The following VARS2 variants were observed in gnomAD, a reference collection of about 807,000 sequenced individuals.
VARS2 encodes valine--tRNA ligase, mitochondrial.
Under a neutral mutation model 154.1 loss-of-function variants are expected in VARS2, and 105 were observed. The ratio of observed to expected loss-of-function variants is 0.68; its 90% confidence interval spans 0.58 to 0.80. The LOEUF is 0.80. Among genes scored for constraint, VARS2 ranks in the 30% least tolerant of loss-of-function variants. The pLI is 0.00. For synonymous variants in VARS2, 483 were observed against 539.5 expected (o/e 0.90, Z 1.45); for missense variants, 1,157 against 1,361.4 (o/e 0.85, Z 2.36).
Position 30,919,391 on chromosome 6 carries a change from T to G in VARS2, c.1075-367T>G. The G allele has an allele frequency of 4.7e-6, 1 of 212,484 alleles. No homozygotes were observed. Among genetic ancestry groups the G allele is most frequent in the Non-Finnish European group, 9.3e-6 (1 of 107,764 alleles). The allele number at this position is 212,484 out of a possible 1,614,324, so 13.2% of individuals were successfully genotyped here. The stretch of plus-strand genomic sequence containing the variant: ...TAGTAGAGACGGAGTGTCACTGTGT[T>G]AGCCAGGATAGTCTCGATCTCCTGA... On this transcript the variant is annotated intron_variant, in intron 11 of 29. Transcript: ENST00000676266. The surrounding 1 kb of genome is among the most constrained non-coding windows in gnomAD (Gnocchi z 4.5).
Position 30,923,209 on chromosome 6 carries a change from T to G in VARS2, c.2291T>G (p.Phe764Cys), listed in dbSNP as rs199622377. ...RFILNALGEK[F>C]VPQPAEELSP... ...ATCCTCAATGCTTTAGGGGAGAAAT[T>G]TGTGCCACAGCCTGCTGAGGAGGTA... The change falls in exon 24 of 30, where the codon TTT becomes TGT. Residue 764 changes from phenylalanine (F) to cysteine (C), a missense_variant. Transcript: ENST00000676266. 21 of 1,613,034 alleles carry G rather than the reference T, an allele frequency of 1.3e-5. No homozygotes were observed. The highest frequency in any genetic ancestry group is 3.3e-4 in the Middle Eastern group (2 of 6,062).
At position 30,921,080 on chromosome 6, in the gene VARS2, G is replaced by T. The variant is rs1332634080; in HGVS notation, c.1495G>T (p.Ala499Ser). 6 of 1,613,256 alleles carry T rather than the reference G, an allele frequency of 3.7e-6. No individual in the cohort carries two copies. Among genetic ancestry groups the T allele is most frequent in the African/African-American group, 1.3e-5 (1 of 74,900 alleles). The change falls in exon 16 of 30, where the codon GCC (alanine) becomes TCC (serine). Residue 499 changes from alanine to serine, a missense_variant. By Grantham distance (99) the Ala-to-Ser change is moderately conservative. Transcript: ENST00000676266. This position sits in a 1 kb window ranked among gnomAD's most constrained non-coding sequence, Gnocchi z 4.6. ...TTCTCTCCAGGCTGTGGAGTCGGGG[G>T]CCCTGGAGCTCAGTCCCTCCTTCCA... ...ARAAKAVESG[A>S]LELSPSFHQK...
Position 30,922,897 on chromosome 6 carries a change from GA to G in VARS2, c.2111del (p.Lys704ArgfsTer15). ...CACCCTTCTTCTTCCTCTGGTTGCA[GA>G]AAAAGGACTTTCCTCACGGGATCCC... ...AELAIVAAAQ[K>X]KDFPHGIPEC... On this transcript the variant is annotated frameshift_variant and splice_region_variant, in exon 23 of 30. Transcript: ENST00000676266. LOFTEE classifies it high-confidence loss of function. 3 of 1,601,482 alleles carry G rather than the reference GA, an allele frequency of 1.9e-6. No homozygotes were observed. The highest frequency in any genetic ancestry group is 2.6e-6 in the Non-Finnish European group (3 of 1,173,174).
Position 30,917,819 on chromosome 6 carries a change from C to T in VARS2, c.985+13C>T, listed in dbSNP as rs765997664. ...GATGGAGAGCCTGGTGAGCATAGTA[C>T]TCTGCAGGGTCACCCGTTTACCTCC... is the stretch of plus-strand genomic sequence containing the variant. On this transcript the variant is annotated intron_variant, in intron 10 of 29. Coordinates refer to ENST00000676266, the MANE Select transcript of VARS2 (RefSeq NM_020442.6). The surrounding 1 kb of genome is among the most constrained non-coding windows in gnomAD (Gnocchi z 4.4). The T allele has an allele frequency of 3.9e-6, 6 of 1,551,718 alleles. No homozygotes were observed. The highest frequency in any genetic ancestry group is 1.7e-4 in the Middle Eastern group (1 of 5,988).
In VARS2 at chr6:30,920,963, C is replaced by G; in HGVS notation, c.1480-102C>G. On this transcript the variant is annotated intron_variant, in intron 15 of 29. Transcript: ENST00000676266. The surrounding 1 kb of genome is among the most constrained non-coding windows in gnomAD (Gnocchi z 4.6). ...AATCTTGGCAAGAGGCTTGGGAGGT[C>G]CTTTCTGAGTTTTAAAATGACCTCA... The G allele has an allele frequency of 7.5e-7, 1 of 1,332,292 alleles. No individual in the cohort carries two copies. The highest frequency in any genetic ancestry group is 2.5e-5 in the East Asian group (1 of 39,900). 82.5% of individuals were successfully genotyped at this position (1,332,292 alleles called of 1,614,324 possible).
At chr6:30,922,303 C>G in intron 20 of VARS2, 62 bp downstream of exon 20, 1 of 1,592,204 alleles carries the variant, frequency 6.3e-7, no homozygotes, top group Non-Finnish European at 8.5e-7. Flanking sequence ...ACCTTGTCCT[C>G]CCTTCTAACC....
Position 30,922,499 on chromosome 6 carries a change from A to T in VARS2, c.1982A>T (p.Lys661Met). ...GACAGGCAGGGCCGGAAGATGAGCA[A>T]GTCCCTGGGGAATGTGCTGGACCCA... ...VRDRQGRKMS[K>M]SLGNVLDPRD... Residue 661 changes from lysine (K) to methionine (M), a missense_variant, in exon 21 of 30, where the codon AAG becomes ATG. By Grantham distance (95) the Lys-to-Met change is moderately conservative (BLOSUM62 -1). Coordinates refer to ENST00000676266, the MANE Select transcript of VARS2 (RefSeq NM_020442.6). 6.3e-7 allele frequency: 1 copy of T among 1,596,864 alleles called. No homozygotes were observed. The highest frequency in any genetic ancestry group is 1.1e-5 in the South Asian group (1 of 88,556).
Position 30,916,928 on chromosome 6 carries a change from A to C in VARS2, c.722A>C (p.Asp241Ala), listed in dbSNP as rs763141082. 1.9e-6 allele frequency: 3 copies of C among 1,614,144 alleles called. No homozygotes were observed. The South Asian group carries it at 3.3e-5, about 18-fold the overall frequency. The change falls in exon 8 of 30, where the codon GAC (aspartate) becomes GCC (alanine). Residue 241 changes from aspartate to alanine, a missense_variant. Transcript: ENST00000676266. The surrounding 1 kb of genome is among the most constrained non-coding windows in gnomAD (Gnocchi z 4.0). ...CTGCGAGCTCTGGGTGCCTCCCTGG[A>C]CTGGGATCGAGAGTGTTTTACCATG... ...EQLRALGASL[D>A]WDRECFTMDV...
At position 30,920,201 on chromosome 6, in the gene VARS2, C is replaced by T. The variant is rs765541426; in HGVS notation, c.1278C>T (p.Cys426=). 12 of 1,578,952 alleles carry T rather than the reference C, an allele frequency of 7.6e-6. No homozygotes were observed. Among genetic ancestry groups the T allele is most frequent in the Admixed American group, 5.4e-5 (3 of 55,932 alleles). Residue 426 remains cysteine, a synonymous_variant, in exon 13 of 30, where the codon TGC becomes TGT. Transcript: ENST00000676266. The surrounding 1 kb of genome is among the most constrained non-coding windows in gnomAD (Gnocchi z 4.6). ...AGGATGGGACCATGACCTCCCTCTG[C>T]GGGGACTGGCTGCAGGTGGTACCAC... ...IAEDGTMTSL[C]GDWLQGLHRF...
rs773872810 is a variant in VARS2 at position 30,925,264 on chromosome 6, C to A, written c.2674-10C>A. On this transcript the variant is annotated splice_polypyrimidine_tract_variant and intron_variant, in intron 26 of 29. Coordinates refer to ENST00000676266, the MANE Select transcript of VARS2 (RefSeq NM_020442.6). ...CCCCTTTGCCAATTCTGGGTCCCCC[C>A]CATTGCCAGGAGCACTGGCGCCAGC... 8 of 1,606,488 alleles carry A rather than the reference C, an allele frequency of 5.0e-6. No individual in the cohort carries two copies. Among genetic ancestry groups the A allele is most frequent in the Admixed American group, 1.7e-5 (1 of 58,896 alleles).
At chr6:30,923,811 A>C in intron 25 of VARS2, 1 of 446,066 alleles carries the variant, frequency 2.2e-6, no homozygotes, top group Non-Finnish European at 4.0e-6. Flanking sequence ...AGTTTGGCCC[A>C]TGGGCAGGCT....
chr6:30,920,929 C>A lies in VARS2; in HGVS notation c.1480-136C>A. On this transcript the variant is annotated intron_variant, in intron 15 of 29. Transcript: ENST00000676266. The surrounding 1 kb of genome is among the most constrained non-coding windows in gnomAD (Gnocchi z 4.6). Reference sequence around the variant, plus strand: ...GCAAGGGCTGGCTCATATCCTTACTCAAGCCCAGAATCTTGGCAAGAGGCT... The same window carrying A: ...GCAAGGGCTGGCTCATATCCTTACTAAAGCCCAGAATCTTGGCAAGAGGCT... The A allele has an allele frequency of 8.5e-7, 1 of 1,183,396 alleles. No individual in the cohort carries two copies. The highest frequency in any genetic ancestry group is 1.2e-6 in the Non-Finnish European group (1 of 854,920). 73.3% of individuals were successfully genotyped at this position (1,183,396 alleles called of 1,614,324 possible).
In VARS2 at chr6:30,925,942, G is replaced by A. The variant is rs1794811389; in HGVS notation, c.3024G>A (p.Lys1008=). Residue 1008 remains lysine (K), a synonymous_variant, in exon 29 of 30, where the codon AAG becomes AAA. Coordinates refer to ENST00000676266, the MANE Select transcript of VARS2 (RefSeq NM_020442.6). The part of the protein sequence containing the change: ...LLAARRYKLQ[K]QLDSLTARTP... ...CCGCCCGAAGGTACAAGTTGCAGAAGCAGCTTGACAGCCTCACAGCCAGGA... is the reference window on the plus strand; with the variant it reads ...CCGCCCGAAGGTACAAGTTGCAGAAACAGCTTGACAGCCTCACAGCCAGGA... The A allele has an allele frequency of 1.2e-6, 2 of 1,613,086 alleles. No homozygotes were observed. The highest frequency in any genetic ancestry group is 4.5e-5 in the East Asian group (2 of 44,890).
rs779148417 is a variant in VARS2, at chr6:30,924,449, C to T, written c.2562C>T (p.Ala854=). ...CTGACCTCGGCCTCCGCCTCCTGGC[C>T]CCACTGATGCCCTTCCTGGCTGAAG... ...SCADLGLRLL[A]PLMPFLAEEL... The change falls in exon 26 of 30, where the codon GCC becomes GCT. Residue 854 remains alanine (A), a synonymous_variant. Coordinates refer to ENST00000676266, the MANE Select transcript of VARS2 (RefSeq NM_020442.6). The T allele has an allele frequency of 9.1e-5, 147 of 1,612,608 alleles. No individual in the cohort carries two copies. The highest frequency in any genetic ancestry group is 1.2e-4 in the Non-Finnish European group (140 of 1,179,904).
At chr6:30,925,519 C>G (rs752769256) in intron 27 of VARS2, 25 bp from the exon 28 acceptor site, 75 of 1,562,154 alleles carry the variant, frequency 4.8e-5, no homozygotes, top group Non-Finnish European at 6.3e-5. Flanking sequence ...TGAGGCCTTG[C>G]CCCTGACAGT....
chr6:30,916,761 C>A lies in VARS2; in HGVS notation c.672-117C>A, dbSNP rs746961649. 2 of 991,392 alleles carry A rather than the reference C, an allele frequency of 2.0e-6. No homozygotes were observed. Among genetic ancestry groups the A allele is most frequent in the Non-Finnish European group, 3.2e-6 (2 of 627,170 alleles). The allele number at this position is 991,392 out of a possible 1,614,324, so 61.4% of individuals were successfully genotyped here. On this transcript the variant is annotated intron_variant, in intron 7 of 29. Transcript: ENST00000676266. The surrounding 1 kb of genome is among the most constrained non-coding windows in gnomAD (Gnocchi z 4.0). ...TTCTATTAGCCTCTAGAGGCTAGAT[C>A]AATGCCATCCTCACTTGATTTTCCT...
In VARS2 at chr6:30,919,917, A is replaced by T; in HGVS notation, c.1165+69A>T. The T allele has an allele frequency of 6.7e-7, 1 of 1,490,496 alleles. No homozygotes were observed. The highest frequency in any genetic ancestry group is 1.4e-5 in the African/African-American group (1 of 71,512). 92.3% of individuals were successfully genotyped at this position (1,490,496 alleles called of 1,614,324 possible). ...AGGAGAGGGGAGGGAACCAGGAGGA[A>T]GAGGAAGGTGGGAGTGGGAGATCCT... On this transcript the variant is annotated intron_variant, in intron 12 of 29. Transcript: ENST00000676266. This position sits in a 1 kb window ranked among gnomAD's most constrained non-coding sequence, Gnocchi z 4.5.
Position 30,926,283 on chromosome 6 carries a change from G to A in VARS2, c.*73G>A. 3 of 1,471,200 alleles carry A rather than the reference G, an allele frequency of 2.0e-6. 1 individual carries two copies. The South Asian group carries it at 3.5e-5, about 17-fold the overall frequency. The allele number at this position is 1,471,200 out of a possible 1,614,324, so 91.1% of individuals were successfully genotyped here. On this transcript the variant is annotated 3_prime_UTR_variant, in exon 30 of 30. Transcript: ENST00000676266. ...ACAAACAGATTTGTCAGCTGTCAGG[G>A]TGCAGTGGGACGTCAGAGACTATGT...
At chr6:30,918,796 C>T in intron 10 of VARS2, 31 bp from the exon 11 acceptor site, 1 of 1,600,040 alleles carries the variant, frequency 6.2e-7, no homozygotes, top group South Asian at 1.1e-5. Flanking sequence ...GGATGATGAC[C>T]AGCTGTAAGT....
Sources: allele counts gnomAD v4.1 joint callset, GRCh38; gene constraint gnomAD v4.1.1; non-coding constraint Gnocchi (gnomAD v3.1); transcripts MANE v1.5; gene names NCBI Gene and HGNC (gene_info 2026-07-23, HGNC 2026-07-21).